Variants in FARS2 observed in about 807,000 individuals in gnomAD.
FARS2 encodes phenylalanyl-tRNA synthetase 2, mitochondrial, also known as phenylalanine--tRNA ligase, mitochondrial.
FARS2 carries 40 observed loss-of-function variants against 46.4 expected under a neutral mutation model. The ratio of observed to expected loss-of-function variants is 0.86; its 90% CI spans 0.67 to 1.12. The LOEUF is 1.12. Among genes scored for constraint, FARS2 ranks in the 50% most tolerant of loss-of-function variants. The probability of loss-of-function intolerance (pLI) is 0.00; values close to 1 mark genes in which losing one functional copy is unlikely to be tolerated. For synonymous variants in FARS2, 234 were observed against 214.9 expected, an observed-to-expected ratio of 1.09 and a Z score of -0.78; for missense variants, 513 against 567.9, an observed-to-expected ratio of 0.90 and a Z score of 0.98.
At chr6:5,359,853 G>A (rs1445305976) in intron 1 of FARS2, among the ~76,000 whole-genome samples, 2 of 152,232 alleles carry the variant, frequency 1.3e-5, no homozygotes, top group Non-Finnish European at 2.9e-5. Context: ...CTCATGTGCC[G>A]GAGCTGCAGC....
chr6:5,549,413 T>C (rs1771241116), intron 5 of FARS2, among the ~76,000 whole-genome samples: 1 of 152,240 alleles, frequency 6.6e-6, no homozygotes, highest in African/African-American at 2.4e-5. Flanking sequence ...TTCCCACCTA[T>C]GAGTGAGAAC....
At chr6:5,611,519 C>CA (rs773344158) in intron 5 of FARS2, among the ~76,000 whole-genome samples, 3 of 152,148 alleles carry the variant, frequency 2.0e-5, no homozygotes, top group South Asian at 2.1e-4. Context: ...GTCTCCCATT[C>CA]AAAAAAACAA....
intron 2 of FARS2, among the ~76,000 whole-genome samples, chr6:5,393,597 C>T (rs1036526489): frequency 2.0e-5 from 3 of 152,040 alleles, no homozygotes; most frequent in Non-Finnish European, 4.4e-5. Flanking sequence ...GCGGAGGTTG[C>T]AGTGAGCTGA....
At chr6:5,296,181 G>T (rs1468183949) in intron 1 of FARS2, among the ~76,000 whole-genome samples, 2 of 107,138 alleles carry the variant, frequency 1.9e-5, no homozygotes, top group African/African-American at 7.5e-5. Flanking sequence ...TAGCTCTGTC[G>T]CCTGGGCTGG....
intron 6 of FARS2, among the ~76,000 whole-genome samples, chr6:5,741,775 T>C (rs545423875): frequency 1.3e-5 from 2 of 152,244 alleles, no homozygotes; most frequent in East Asian, 3.9e-4. Flanking sequence ...CTCAGCCTCC[T>C]GAGCAGCTGG....
chr6:5,650,658 T>C (rs1403540255), intron 6 of FARS2, among the ~76,000 whole-genome samples: 1 of 152,032 alleles, frequency 6.6e-6, no homozygotes, highest in African/African-American at 2.4e-5. Flanking sequence ...TTTTTGTATT[T>C]TTAGTAGATG....
chr6:5,713,064 G>A (rs1166491669), intron 6 of FARS2, among the ~76,000 whole-genome samples: 1 of 152,212 alleles, frequency 6.6e-6, no homozygotes, highest in African/African-American at 2.4e-5. Flanking sequence ...TGCCTCCAGT[G>A]TGCAGTCACA....
At chr6:5,548,741 T>A (rs549894093) in intron 5 of FARS2, among the ~76,000 whole-genome samples, 1 of 152,324 alleles carries the variant, frequency 6.6e-6, no homozygotes, top group South Asian at 2.1e-4. Context: ...AGAAATAGAC[T>A]CTTGATCTCT....
intron 6 of FARS2, among the ~76,000 whole-genome samples, chr6:5,735,271 A>G (rs1334163262): frequency 1.3e-5 from 2 of 152,250 alleles, no homozygotes; most frequent in Non-Finnish European, 2.9e-5. Flanking sequence ...AATAAGTAGC[A>G]GAACTGTAGT....
intron 2 of FARS2, among the ~76,000 whole-genome samples, chr6:5,384,267 G>A (rs1402996008): frequency 1.3e-5 from 2 of 152,192 alleles, no homozygotes; most frequent in Non-Finnish European, 2.9e-5. Flanking sequence ...GAGCCCCTGA[G>A]AGAAGAAAAG....
intron 4 of FARS2, among the ~76,000 whole-genome samples, chr6:5,443,675 G>A (rs1171782829): frequency 6.6e-6 from 1 of 152,220 alleles, no homozygotes; most frequent in African/African-American, 2.4e-5. Flanking sequence ...GACCAGCTGA[G>A]CCCCAGCCCC....
At chr6:5,374,648 G>T (rs1759265011) in intron 2 of FARS2, among the ~76,000 whole-genome samples, 1 of 151,870 alleles carries the variant, frequency 6.6e-6, no homozygotes, top group African/African-American at 2.4e-5. Context: ...AACTTTTGAA[G>T]TTTCATCATT....
At chr6:5,279,568 G>A (rs960524710) in intron 1 of FARS2, among the ~76,000 whole-genome samples, 2 of 147,928 alleles carry the variant, frequency 1.4e-5, no homozygotes, top group Non-Finnish European at 3.0e-5. Context: ...GTGTGTGTGT[G>A]TGTGTGTATA....
At chr6:5,676,783 T>C (rs1396296065) in intron 6 of FARS2, among the ~76,000 whole-genome samples, 1 of 152,252 alleles carries the variant, frequency 6.6e-6, no homozygotes, top group Non-Finnish European at 1.5e-5. Flanking sequence ...CAATCTCAAG[T>C]GTATGCCCCG....
intron 1 of FARS2, among the ~76,000 whole-genome samples, chr6:5,277,971 C>T (rs1460414188): frequency 6.6e-6 from 1 of 152,148 alleles, no homozygotes; most frequent in Non-Finnish European, 1.5e-5. Context: ...TGTCTTATAT[C>T]CTGCTCCGTT....
At chr6:5,261,715 G>A (rs576266669) in intron 1 of FARS2, 55 bp downstream of exon 1, 3 of 152,404 alleles carry the variant, frequency 2.0e-5, no homozygotes, top group Non-Finnish European at 4.4e-5. Context: ...TGGTGTTGTA[G>A]GGGGTTTACA....
At chr6:5,280,336 A>T (rs1235591006) in intron 1 of FARS2, among the ~76,000 whole-genome samples, 1 of 152,220 alleles carries the variant, frequency 6.6e-6, no homozygotes, top group Non-Finnish European at 1.5e-5. Flanking sequence ...AGAAGTAACA[A>T]AATTAATTGC....
At chr6:5,519,645 T>C (rs1301881888) in intron 4 of FARS2, among the ~76,000 whole-genome samples, 1 of 152,180 alleles carries the variant, frequency 6.6e-6, no homozygotes, top group African/African-American at 2.4e-5. Flanking sequence ...CAGTTCTGTA[T>C]TCCAAGTATC....
chr6:5,430,591 TATGG>T (rs1268807954), intron 3 of FARS2, among the ~76,000 whole-genome samples: 1 of 151,684 alleles, frequency 6.6e-6, no homozygotes, highest in African/African-American at 2.4e-5. Context: ...TATATATACT[TATGG>T]AAGTAAAAGT....
Sources: gnomAD v4.1 joint callset for allele counts (sites outside exome capture counted in the v4.1 genomes callset) on GRCh38, gnomAD v4.1.1 for gene constraint, MANE v1.5 for transcripts, NCBI Gene and HGNC (gene_info 2026-07-23, HGNC 2026-07-21) for gene names.